Variants in CSNK2A2IP observed in about 807,000 individuals in gnomAD.
CSNK2A2IP encodes the protein casein kinase 2 subunit alpha' interacting protein.
chr3:88,458,772 A>G, the CSNK2A2IP span, among the ~76,000 whole-genome samples: 1 of 152,214 alleles, frequency 6.6e-6, no homozygotes, highest in Non-Finnish European at 1.5e-5. Flanking sequence ...TATAAAATGT[A>G]TATGTAGTAT....
At chr3:88,429,256 G>A in the CSNK2A2IP span, among the ~76,000 whole-genome samples, 1 of 151,874 alleles carries the variant, frequency 6.6e-6, no homozygotes, top group South Asian at 2.1e-4. Flanking sequence ...TTCCTACTAC[G>A]CAATGAGCTA....
At chr3:88,442,059 T>G in the CSNK2A2IP span, among the ~76,000 whole-genome samples, 3 of 152,162 alleles carry the variant, frequency 2.0e-5, no homozygotes, top group Non-Finnish European at 2.9e-5. Context: ...AGATACCAGA[T>G]TTAGAAGGCC....
chr3:88,365,234 A>G, the CSNK2A2IP span, among the ~76,000 whole-genome samples: 2 of 152,218 alleles, frequency 1.3e-5, no homozygotes, highest in Non-Finnish European at 2.9e-5. Context: ...AATACCAGGG[A>G]AAGAACAGCT....
the CSNK2A2IP span, among the ~76,000 whole-genome samples, chr3:88,389,685 A>T: frequency 1.3e-5 from 2 of 152,300 alleles, no homozygotes; most frequent in African/African-American, 4.8e-5. Context: ...CGTGGCTTGC[A>T]CTAGTGTATT....
At chr3:88,449,080 C>T in the CSNK2A2IP span, among the ~76,000 whole-genome samples, 1 of 152,182 alleles carries the variant, frequency 6.6e-6, no homozygotes, top group Non-Finnish European at 1.5e-5. Context: ...TCCCTTCTCT[C>T]CCTCCCTGCC....
chr3:88,385,440 T>C, the CSNK2A2IP span, among the ~76,000 whole-genome samples: 5 of 152,120 alleles, frequency 3.3e-5, no homozygotes, highest in Non-Finnish European at 7.4e-5. Flanking sequence ...GGAAACCAGA[T>C]TGGAAGAAGT....
At chr3:88,457,413 C>T in the CSNK2A2IP span, among the ~76,000 whole-genome samples, 63 of 151,464 alleles carry the variant, frequency 4.2e-4, no homozygotes, top group Non-Finnish European at 6.9e-4. Context: ...TTTAAAAAAT[C>T]GACTGGGTAT....
the CSNK2A2IP span, among the ~76,000 whole-genome samples, chr3:88,342,214 T>A: frequency 3.3e-5 from 5 of 152,036 alleles, no homozygotes; most frequent in Non-Finnish European, 7.4e-5. Flanking sequence ...GGAACTTATA[T>A]ATTCTGTTAC....
At chr3:88,372,459 C>T in the CSNK2A2IP span, among the ~76,000 whole-genome samples, 1 of 151,096 alleles carries the variant, frequency 6.6e-6, no homozygotes, top group South Asian at 2.1e-4. Context: ...TGTTAATATC[C>T]TAGAGCAATC....
the CSNK2A2IP span, chr3:88,466,452 A>AACAAAC: frequency 1.6e-6 from 2 of 1,231,958 alleles, no homozygotes; most frequent in South Asian, 8.2e-5. Flanking sequence ...CCCATCCAAA[A>AACAAAC]ACAAACATCT....
chr3:88,403,594 T>A, the CSNK2A2IP span, among the ~76,000 whole-genome samples: 1 of 152,108 alleles, frequency 6.6e-6, no homozygotes, highest in African/African-American at 2.4e-5. Flanking sequence ...AAAGCAATAA[T>A]AACAATAGTT....
chr3:88,343,098 A>C, the CSNK2A2IP span: 1 of 152,054 alleles, frequency 6.6e-6, no homozygotes, highest in African/African-American at 2.4e-5. Flanking sequence ...GACAATGCCC[A>C]GAACACAAGT....
chr3:88,350,272 C>T, the CSNK2A2IP span, among the ~76,000 whole-genome samples: 2 of 152,056 alleles, frequency 1.3e-5, no homozygotes, highest in African/African-American at 2.4e-5. Flanking sequence ...TTTCATTTTT[C>T]CCTTTCTCTG....
chr3:88,348,816 T>A, the CSNK2A2IP span, among the ~76,000 whole-genome samples: 5 of 152,066 alleles, frequency 3.3e-5, no homozygotes, highest in African/African-American at 1.2e-4. Context: ...CAACTACAAA[T>A]CTGTGAAATG....
At chr3:88,450,081 C>T in the CSNK2A2IP span, among the ~76,000 whole-genome samples, 1 of 151,438 alleles carries the variant, frequency 6.6e-6, no homozygotes, top group African/African-American at 2.4e-5. Flanking sequence ...GTTGGCCAGG[C>T]TGTTCTTGAA....
chr3:88,342,683 A>G, the CSNK2A2IP span, among the ~76,000 whole-genome samples: 7 of 150,436 alleles, frequency 4.7e-5, no homozygotes, highest in Non-Finnish European at 7.4e-5. Context: ...TTGTCAGAAA[A>G]AAAAATAAAA....
chr3:88,404,700 C>T, the CSNK2A2IP span, among the ~76,000 whole-genome samples: 1 of 147,664 alleles, frequency 6.8e-6, no homozygotes, highest in Middle Eastern at 3.4e-3. Flanking sequence ...TACTTATTTG[C>T]CCCTAATTCT....
chr3:88,445,275 CAAAAAAAA>C, the CSNK2A2IP span, among the ~76,000 whole-genome samples: 4 of 47,764 alleles, frequency 8.4e-5, no homozygotes, highest in Admixed American at 3.9e-4. Context: ...GTAAAAATAC[CAAAAAAAA>C]AAAAAAAAAA....
chr3:88,383,295 G>T, the CSNK2A2IP span, among the ~76,000 whole-genome samples: 3 of 152,194 alleles, frequency 2.0e-5, no homozygotes, highest in East Asian at 5.8e-4. Context: ...GAGTTGGGCA[G>T]ACATAATCTC....
Sources: gnomAD v4.1 joint callset for allele counts (sites outside exome capture counted in the v4.1 genomes callset) on GRCh38, gnomAD v4.1.1 for gene constraint, MANE v1.5 for transcripts, NCBI Gene and HGNC (gene_info 2026-07-23, HGNC 2026-07-21) for gene names.